Variants in TSFM observed in about 807,000 individuals in gnomAD.
TSFM encodes the protein Ts translation elongation factor, mitochondrial.
TSFM carries 29 observed loss-of-function variants against 33.4 expected under a neutral mutation model. The ratio of observed to expected loss-of-function variants is 0.87; its 90% CI spans 0.65 to 1.18. The LOEUF (loss-of-function observed/expected upper bound fraction) is 1.18, where lower values mean the gene tolerates loss of function less well. Among genes scored for constraint, TSFM ranks in the 50% most tolerant of loss-of-function variants. The pLI, the probability that TSFM is intolerant of heterozygous loss-of-function variation, is 0.00. For missense variants in TSFM, 394 were observed against 395.6 expected, an observed-to-expected ratio of 1.00 and a Z score of 0.04; for synonymous variants, 178 against 163.5, an observed-to-expected ratio of 1.09 and a Z score of -0.68.
chr12:57,802,396 C>T, downstream of TSFM: 1 of 1,549,674 alleles, frequency 6.5e-7, no homozygotes, highest in Non-Finnish European at 8.8e-7. Flanking sequence ...ATACCAAGGA[C>T]TAAGTACTAG....
At chr12:57,802,358 T>C (rs769698779), downstream of TSFM, 1 of 1,601,908 alleles carries the variant, frequency 6.2e-7, no homozygotes, top group Non-Finnish European at 8.5e-7. Flanking sequence ...CCTGTTAAGG[T>C]GGAGATTTAA....
In TSFM at chr12:57,796,815, GCAT is replaced by G; in HGVS notation, c.*235_*237del. 8.5e-7 allele frequency: 1 copy of G among 1,171,992 alleles called. No homozygotes were observed. The highest frequency in any genetic ancestry group is 1.1e-6 in the Non-Finnish European group (1 of 951,686). 72.6% of individuals were successfully genotyped at this position (1,171,992 alleles called of 1,614,324 possible). ...GACGTGATAGTGTCGTGGAGAACAG[GCAT>G]CAACAATACTGCTGCTCCCTTCAAC... is the stretch of plus-strand genomic sequence containing the variant. On this transcript the variant is annotated 3_prime_UTR_variant, in exon 6 of 6. Coordinates refer to ENST00000652027, the MANE Select transcript of TSFM (RefSeq NM_005726.6).
rs1331278285 is a variant in TSFM at position 57,783,131 on chromosome 12, T to G, written c.79T>G (p.Ser27Ala). ...SYPAGSLLRQSPQPRHTFYAG... is the reference protein window; with the variant it reads ...SYPAGSLLRQAPQPRHTFYAG... ...CTAGGCTGGGTCTCTTCTGCGTCAG[T>G]CGCCCCAGCCAAGGCACACATTTTA... The change falls in exon 2 of 6, where the codon TCG (serine) becomes GCG (alanine). Residue 27 changes from serine to alanine, a missense_variant. By Grantham distance (99) the Ser-to-Ala change is moderately conservative (BLOSUM62 1). Transcript: ENST00000652027. The G allele has an allele frequency of 2.5e-6, 4 of 1,611,256 alleles. No homozygotes were observed.
chr12:57,783,847 C>T (rs373488198), intron 2 of TSFM: 2 of 658,912 alleles, frequency 3.0e-6, no homozygotes, highest in East Asian at 2.7e-5. Flanking sequence ...AACTCCTGGC[C>T]TCAGGTGATC....
intron 4 of TSFM, 39 bp from the exon 5 acceptor site, chr12:57,792,947 T>C (rs770272688): frequency 6.3e-7 from 1 of 1,585,474 alleles, no homozygotes; most frequent in South Asian, 1.1e-5. Flanking sequence ...ATTTGAATAG[T>C]ACAGAATCAG....
rs1057523312 is a variant in TSFM at position 57,793,084 on chromosome 12, G to T, written c.571+11G>T. The T allele has an allele frequency of 6.2e-7, 1 of 1,610,164 alleles. No homozygotes were observed. The highest frequency in any genetic ancestry group is 8.5e-7 in the Non-Finnish European group (1 of 1,177,350). Reference sequence around the variant, plus strand: ...TGGCTTTAGCAATTGGTGAGTATTTGTAAAGGTTCTGGAAACTGGAAATTA... The same window carrying T: ...TGGCTTTAGCAATTGGTGAGTATTTTTAAAGGTTCTGGAAACTGGAAATTA... On this transcript the variant is annotated intron_variant, in intron 5 of 5. Coordinates refer to ENST00000652027, the MANE Select transcript of TSFM (RefSeq NM_005726.6).
At chr12:57,802,222 G>A, downstream of TSFM, 6 of 1,614,148 alleles carry the variant, frequency 3.7e-6, no homozygotes, top group Non-Finnish European at 4.2e-6. Context: ...TCAAACCCCT[G>A]CTTAATGATC....
intron 2 of TSFM, 107 bp downstream of exon 2, chr12:57,783,390 T>G (rs1222064989): frequency 3.7e-6 from 5 of 1,351,110 alleles, no homozygotes; most frequent in Non-Finnish European, 5.3e-6. Flanking sequence ...GTGACCATAA[T>G]GGCACAGTCC....
At chr12:57,785,475 T>G (rs1011673904) in intron 2 of TSFM, among the ~76,000 whole-genome samples, 1 of 152,158 alleles carries the variant, frequency 6.6e-6, no homozygotes, top group Non-Finnish European at 1.5e-5. Flanking sequence ...TTTTTTATTT[T>G]TTATTTTTTT....
chr12:57,795,807 G>A (rs1048712415), intron 5 of TSFM, among the ~76,000 whole-genome samples: 1 of 151,940 alleles, frequency 6.6e-6, no homozygotes, highest in Non-Finnish European at 1.5e-5. Flanking sequence ...TAGAAACAGG[G>A]TTTCATCCAT....
At chr12:57,788,938 A>C (rs1595140119) in intron 4 of TSFM, among the ~76,000 whole-genome samples, 1 of 146,342 alleles carries the variant, frequency 6.8e-6, no homozygotes, top group African/African-American at 2.5e-5. Flanking sequence ...TGGCCCTATC[A>C]CTTTTTATAT....
At chr12:57,786,926 T>C in intron 3 of TSFM, 114 bp from the exon 4 acceptor site, 2 of 1,195,814 alleles carry the variant, frequency 1.7e-6, no homozygotes, top group Non-Finnish European at 2.3e-6. Flanking sequence ...TCATTTTTTT[T>C]CCGTTGAGTC....
intron 5 of TSFM, 46 bp from the exon 6 acceptor site, chr12:57,796,131 C>G: frequency 2.0e-6 from 3 of 1,520,840 alleles, no homozygotes; most frequent in Non-Finnish European, 2.7e-6. Flanking sequence ...CCATCACAGA[C>G]ATCACAATTT....
intron 4 of TSFM, among the ~76,000 whole-genome samples, chr12:57,791,719 GT>G (rs1595143063): frequency 6.6e-6 from 1 of 152,114 alleles, no homozygotes; most frequent in African/African-American, 2.4e-5. Flanking sequence ...CATTTAGGCT[GT>G]TTTTAAAATT....
At chr12:57,787,293 T>C in intron 4 of TSFM, 131 bp downstream of exon 4, 1 of 976,990 alleles carries the variant, frequency 1.0e-6, no homozygotes, top group Non-Finnish European at 1.5e-6. Context: ...TCTCTTTGCA[T>C]AGAATTACCC....
intron 2 of TSFM, 61 bp from the exon 3 acceptor site, chr12:57,786,102 A>C: frequency 6.6e-7 from 1 of 1,510,074 alleles, no homozygotes; most frequent in Admixed American, 2.3e-5. Context: ...ATATCTTAGA[A>C]CTACATTTAG....
At chr12:57,802,016 A>C (rs560416451), downstream of TSFM, 3 of 940,022 alleles carry the variant, frequency 3.2e-6, no homozygotes, top group African/African-American at 5.0e-5. Context: ...AGAGGAGAAA[A>C]GTAAAAGGCA....
intron 4 of TSFM, among the ~76,000 whole-genome samples, chr12:57,792,453 G>A (rs542065564): frequency 2.6e-5 from 4 of 152,204 alleles, no homozygotes; most frequent in Non-Finnish European, 5.9e-5. Flanking sequence ...TTAGGCTGGA[G>A]GATGAGAGTG....
At chr12:57,796,068 A>G in intron 5 of TSFM, 109 bp from the exon 6 acceptor site, 1 of 975,046 alleles carries the variant, frequency 1.0e-6, no homozygotes, top group Non-Finnish European at 1.5e-6. Context: ...TATCCTATGT[A>G]AATGCAAAGG....
Sources: gnomAD v4.1 joint callset for allele counts (sites outside exome capture counted in the v4.1 genomes callset) on GRCh38, gnomAD v4.1.1 for gene constraint, MANE v1.5 for transcripts, NCBI Gene and HGNC (gene_info 2026-07-23, HGNC 2026-07-21) for gene names.